The following CENPP variants were observed in gnomAD, a reference collection of about 807,000 sequenced individuals.
CENPP encodes the protein centromere protein P.
CENPP carries 24 observed loss-of-function variants against 35.6 expected under a neutral mutation model. That is an observed-to-expected ratio of 0.67 (90% CI 0.49 to 0.95). CENPP has a LOEUF of 0.95. Among genes scored for constraint, CENPP ranks in the 40% least tolerant of loss-of-function variants. The pLI is 0.00. For missense variants in CENPP, 332 were observed against 345.3 expected, an observed-to-expected ratio of 0.96 and a Z score of 0.31; for synonymous variants, 120 against 125.5, an observed-to-expected ratio of 0.96 and a Z score of 0.29.
At chr9:92,458,672 A>C (rs1489059476) in intron 5 of CENPP, among the ~76,000 whole-genome samples, 1 of 152,200 alleles carries the variant, frequency 6.6e-6, no homozygotes, top group Non-Finnish European at 1.5e-5. Context: ...GATTTAAGAG[A>C]GACCAGAAGC....
chr9:92,388,491 C>T (rs1217388823), intron 5 of CENPP, among the ~76,000 whole-genome samples: 1 of 151,798 alleles, frequency 6.6e-6, no homozygotes, highest in African/African-American at 2.4e-5. Flanking sequence ...TTTAACATGT[C>T]TGTTATTCAA....
chr9:92,540,643 C>T (rs1180883230), intron 5 of CENPP, among the ~76,000 whole-genome samples: 7 of 151,324 alleles, frequency 4.6e-5, no homozygotes, highest in Admixed American at 3.3e-4. Flanking sequence ...TGGTGGCACG[C>T]GCCTGTAGTC....
In CENPP at chr9:92,415,181, C is replaced by T. The variant is rs766569585; in HGVS notation, c.564+35322C>T. The T allele has an allele frequency of 2.5e-6, 4 of 1,610,260 alleles. No homozygotes were observed. The South Asian group carries it at 4.4e-5, about 18-fold the overall frequency. On this transcript the variant is annotated intron_variant, in intron 5 of 7. Transcript: ENST00000375587. ...TCTTGATTTTCATAATAATGAAGGT[C>T]AAAGTGCCCTTCTGCTCCTTCTTGT...
At chr9:92,491,909 C>G (rs930915412) in intron 5 of CENPP, among the ~76,000 whole-genome samples, 4 of 152,134 alleles carry the variant, frequency 2.6e-5, no homozygotes, top group Admixed American at 6.5e-5. Context: ...AATTCCTGGC[C>G]TGAGGAGCCC....
At chr9:92,538,912 T>C (rs1849251456) in intron 5 of CENPP, 1 of 152,220 alleles carries the variant, frequency 6.6e-6, no homozygotes, top group Non-Finnish European at 1.5e-5. Context: ...TTCAGTATTT[T>C]TCCTGATTGT....
chr9:92,418,075 T>TTTTTTC (rs889488170), intron 5 of CENPP, among the ~76,000 whole-genome samples: 1 of 150,450 alleles, frequency 6.6e-6, no homozygotes, highest in Non-Finnish European at 1.5e-5. Context: ...GTTTTTTTTC[T>TTTTTTC]TTTTTCTTTT....
chr9:92,427,854 A>G (rs1844007756), intron 5 of CENPP, among the ~76,000 whole-genome samples: 1 of 152,196 alleles, frequency 6.6e-6, no homozygotes, highest in South Asian at 2.1e-4. Context: ...AAATATGGTG[A>G]TGGGGCAAGC....
In CENPP at chr9:92,551,927, A is replaced by C. The variant is rs62572541; in HGVS notation, c.565-59387A>C. The stretch of plus-strand genomic sequence containing the variant: ...TTTGTTATATATATGGTGTGTGTGT[A>C]TATATATATATATATATATATATAT... On this transcript the variant is annotated intron_variant, in intron 5 of 7. Coordinates refer to ENST00000375587, the MANE Select transcript of CENPP (RefSeq NM_001012267.3). Among the ~76,000 whole-genome samples, 26 of 69,804 alleles carry C rather than the reference A, an allele frequency of 3.7e-4. 1 individual carries two copies. The highest frequency in any genetic ancestry group is 9.9e-4 in the African/African-American group (23 of 23,292). The allele number at this position is 69,804 out of a possible 152,430, so 45.8% of individuals were successfully genotyped here. A position where few individuals can be genotyped will look rare whatever the true frequency, so the allele number is the denominator to read the frequency against.
chr9:92,464,925 G>A (rs140377846), intron 5 of CENPP: 28 of 1,601,652 alleles, frequency 1.7e-5, no homozygotes, highest in Non-Finnish European at 2.1e-5. Flanking sequence ...AAACCTTTAG[G>A]AACTGAGGTC....
intron 5 of CENPP, among the ~76,000 whole-genome samples, chr9:92,420,090 T>C (rs1385234283): frequency 6.6e-6 from 1 of 152,166 alleles, no homozygotes; most frequent in Non-Finnish European, 1.5e-5. Context: ...TCATTCTTCC[T>C]CACCATTTGC....
intron 5 of CENPP, among the ~76,000 whole-genome samples, chr9:92,557,706 G>C (rs1299052775): frequency 3.3e-5 from 5 of 152,096 alleles, no homozygotes; most frequent in Non-Finnish European, 7.3e-5. Flanking sequence ...GCAGTGGCAC[G>C]ATCTCGTCTC....
intron 4 of CENPP, among the ~76,000 whole-genome samples, chr9:92,363,934 C>A (rs1477604025): frequency 6.6e-6 from 1 of 151,826 alleles, no homozygotes; most frequent in Non-Finnish European, 1.5e-5. Context: ...CTGCAACCTC[C>A]ACCTCTCAGG....
intron 5 of CENPP, chr9:92,474,813 T>C: frequency 6.2e-7 from 1 of 1,613,940 alleles, no homozygotes; most frequent in Non-Finnish European, 8.5e-7. Context: ...TTCAGCATCA[T>C]ATTCTTCAGT....
At chr9:92,546,891 A>G (rs558560708) in intron 5 of CENPP, among the ~76,000 whole-genome samples, 5 of 152,326 alleles carry the variant, frequency 3.3e-5, no homozygotes, top group South Asian at 2.1e-4. Flanking sequence ...ATCTTCCCAC[A>G]AGAGATACCA....
chr9:92,344,940 G>T (rs932962957), intron 3 of CENPP, among the ~76,000 whole-genome samples: 1 of 151,446 alleles, frequency 6.6e-6, no homozygotes, highest in African/African-American at 2.4e-5. Flanking sequence ...AGGCAGAGAC[G>T]GGGGGATCAG....
In CENPP at chr9:92,386,170, G is replaced by C. The variant is rs1463437422; in HGVS notation, c.564+6311G>C. 4 of 1,455,264 alleles carry C rather than the reference G, an allele frequency of 2.7e-6. No individual in the cohort carries two copies. In the African/African-American group the frequency reaches 5.6e-5, roughly 20 times the overall value. 90.1% of individuals were successfully genotyped at this position (1,455,264 alleles called of 1,614,324 possible). ...CAAGATTTTGACTCATAGGTAATTA[G>C]AGTCAGATATTGTGAAAGGAACTAT... On this transcript the variant is annotated intron_variant, in intron 5 of 7. Coordinates refer to ENST00000375587, the MANE Select transcript of CENPP (RefSeq NM_001012267.3).
chr9:92,494,804 G>A (rs1241980865), intron 5 of CENPP, among the ~76,000 whole-genome samples: 1 of 152,130 alleles, frequency 6.6e-6, no homozygotes. Context: ...CTACTCAGGA[G>A]GCTGAAGCAG....
chr9:92,547,508 T>C (rs1170431911), intron 5 of CENPP, among the ~76,000 whole-genome samples: 5 of 152,224 alleles, frequency 3.3e-5, no homozygotes, highest in African/African-American at 1.2e-4. Flanking sequence ...GCTGAAAGTG[T>C]CACCACATGG....
chr9:92,608,039 G>A (rs912264), intron 5 of CENPP, among the ~76,000 whole-genome samples: 27,002 of 152,214 alleles, frequency 0.18, 3,462 homozygotes, highest in East Asian at 0.66. Flanking sequence ...GGGCTCCAGA[G>A]GGGAAGTGCC....
Sources: allele counts gnomAD v4.1 joint callset (sites outside exome capture counted in the v4.1 genomes callset), GRCh38; gene constraint gnomAD v4.1.1; transcripts MANE v1.5; gene names NCBI Gene and HGNC (gene_info 2026-07-23, HGNC 2026-07-21).